Variants in PBX1 observed in about 807,000 individuals in gnomAD.
PBX1 encodes the protein pre-B-cell leukemia transcription factor 1.
In PBX1, 6 loss-of-function variants were observed where a neutral mutation model predicts 53.4. The observed-to-expected ratio is 0.11, with a 90% CI of 0.06 to 0.22. PBX1 has a LOEUF of 0.22. Ranked by LOEUF, PBX1 falls within the 10% of genes least tolerant of loss-of-function variation. The pLI, the probability that PBX1 is intolerant of heterozygous loss-of-function variation, is 1.00. For missense variants in PBX1, 251 were observed against 551.4 expected (o/e 0.46, Z 5.46); for synonymous variants, 204 against 212.3 (o/e 0.96, Z 0.34).
chr1:164,606,607 T>C (rs1656578088), intron 2 of PBX1, among the ~76,000 whole-genome samples: 1 of 152,202 alleles, frequency 6.6e-6, no homozygotes, highest in African/African-American at 2.4e-5. Context: ...ATCTATGATA[T>C]CTGAGAATCC....
Position 164,607,224 on chromosome 1 carries a change from A to G in PBX1, c.265+43913A>G, listed in dbSNP as rs72696404. Among the ~76,000 whole-genome samples, 357 of 152,292 alleles carry G rather than the reference A, an allele frequency of 2.3e-3. 2 individuals are homozygous for G. Among genetic ancestry groups the G allele is most frequent in the Admixed American group, 5.1e-3 (78 of 15,294 alleles). On this transcript the variant is annotated intron_variant, in intron 2 of 8. Transcript: ENST00000420696. ...GTAACAAGATCAGATTTGTACTTTA[A>G]GGTAATTTTGGTGTCTCTGTGGAGG...
chr1:164,860,845 C>T (rs538710127), intron 2 of PBX1, among the ~76,000 whole-genome samples: 21 of 151,996 alleles, frequency 1.4e-4, no homozygotes, highest in Admixed American at 5.2e-4. Flanking sequence ...TTAGTACTTG[C>T]TCAGACAAGA....
At chr1:164,838,433 T>C (rs1671144929) in intron 8 of PBX1, among the ~76,000 whole-genome samples, 1 of 152,150 alleles carries the variant, frequency 6.6e-6, no homozygotes, top group Non-Finnish European at 1.5e-5. Context: ...CCTCGGACTT[T>C]TCTGAGGCCA....
chr1:164,778,487 A>G (rs749524023), intron 2 of PBX1, among the ~76,000 whole-genome samples: 11 of 152,134 alleles, frequency 7.2e-5, no homozygotes, highest in Non-Finnish European at 1.3e-4. Flanking sequence ...CTACAGAAAA[A>G]GTAGCCGGGC....
rs545686992 is a variant in PBX1, at chr1:164,605,772, CT to C, written c.265+42465del. Among the ~76,000 whole-genome samples the C allele has an allele frequency of 8.5e-5, 13 of 152,312 alleles. No individual in the cohort carries two copies. In the East Asian group the frequency reaches 2.5e-3, roughly 29 times the overall value. The stretch of plus-strand genomic sequence containing the variant: ...TATTTAGCTGGTTTAAATAAACAAA[CT>C]TTTAAAAGGCTTTATAAAGTAAACA... On this transcript the variant is annotated intron_variant, in intron 2 of 8. Coordinates refer to ENST00000420696, the MANE Select transcript of PBX1 (RefSeq NM_002585.4).
chr1:164,595,639 T>G (rs1202462489), intron 2 of PBX1, among the ~76,000 whole-genome samples: 1 of 152,180 alleles, frequency 6.6e-6, no homozygotes, highest in East Asian at 1.9e-4. Flanking sequence ...TCGTTGTATA[T>G]TCACTGGCTT....
intron 2 of PBX1, among the ~76,000 whole-genome samples, chr1:164,735,518 A>G (rs570340817): frequency 2.0e-5 from 3 of 152,306 alleles, no homozygotes; most frequent in African/African-American, 7.2e-5. Flanking sequence ...TTAAGCTAGC[A>G]TTGTTCTATA....
intron 2 of PBX1, among the ~76,000 whole-genome samples, chr1:164,705,170 A>G (rs115288883): frequency 2.0e-5 from 3 of 151,852 alleles, no homozygotes; most frequent in Non-Finnish European, 4.4e-5. Context: ...CAGCATCCCC[A>G]CTCCCCCATT....
At chr1:164,784,269 C>G (rs890624598) in intron 2 of PBX1, among the ~76,000 whole-genome samples, 1 of 152,212 alleles carries the variant, frequency 6.6e-6, no homozygotes, top group Admixed American at 6.5e-5. Flanking sequence ...AAGGGGTTTC[C>G]CGAGCAGCAG....
chr1:164,623,776 G>A (rs1339835832), intron 2 of PBX1, among the ~76,000 whole-genome samples: 3 of 152,262 alleles, frequency 2.0e-5, no homozygotes, highest in African/African-American at 7.2e-5. Flanking sequence ...AACTCGAGTC[G>A]TGCCTAACGA....
chr1:164,668,733 G>A (rs7556157), intron 2 of PBX1, among the ~76,000 whole-genome samples: 2,429 of 152,268 alleles, frequency 0.016, 48 homozygotes, highest in South Asian at 0.056. Context: ...CCGGCTCCTC[G>A]CGCCAATGTG....
At chr1:164,747,997 A>G (rs1175716858) in intron 2 of PBX1, among the ~76,000 whole-genome samples, 1 of 152,144 alleles carries the variant, frequency 6.6e-6, no homozygotes, top group Non-Finnish European at 1.5e-5. Context: ...TCATGAAAAG[A>G]GGTGTACCCA....
intron 2 of PBX1, among the ~76,000 whole-genome samples, chr1:164,602,919 C>T (rs1189167166): frequency 6.6e-6 from 1 of 152,172 alleles, no homozygotes; most frequent in Non-Finnish European, 1.5e-5. Context: ...CAGTCCACGT[C>T]CCGTCCCGGC....
At chr1:164,783,809 T>C (rs1339910067) in intron 2 of PBX1, among the ~76,000 whole-genome samples, 1 of 152,086 alleles carries the variant, frequency 6.6e-6, no homozygotes, top group African/African-American at 2.4e-5. Context: ...TAAAATGTGG[T>C]AGGACAAGGA....
chr1:164,881,368 AGAAGGAAGGAAG>A (rs199990223), intron 2 of PBX1, among the ~76,000 whole-genome samples: 1 of 11,820 alleles, frequency 8.5e-5, no homozygotes, highest in Non-Finnish European at 4.9e-4. Flanking sequence ...AAGGAGGAAA[AGAAGGAAGGAAG>A]GAAGGAAGGA....
chr1:164,572,119 C>T (rs550111674), intron 2 of PBX1, among the ~76,000 whole-genome samples: 1 of 151,662 alleles, frequency 6.6e-6, no homozygotes, highest in East Asian at 2.0e-4. Flanking sequence ...GTTGACCAGG[C>T]TGGTCTCGAA....
At chr1:164,753,642 C>G (rs889893059) in intron 2 of PBX1, among the ~76,000 whole-genome samples, 1 of 152,190 alleles carries the variant, frequency 6.6e-6, no homozygotes, top group Non-Finnish European at 1.5e-5. Context: ...ACAGCCCTTG[C>G]GTGGTTTTGA....
At chr1:164,729,912 C>T (rs533619874) in intron 2 of PBX1, among the ~76,000 whole-genome samples, 3 of 152,324 alleles carry the variant, frequency 2.0e-5, no homozygotes, top group East Asian at 1.9e-4. Flanking sequence ...ATTGTACATT[C>T]GTTGTCTCAT....
chr1:164,636,154 C>G (rs537619782), intron 2 of PBX1, among the ~76,000 whole-genome samples: 1 of 135,202 alleles, frequency 7.4e-6, no homozygotes, highest in African/African-American at 2.6e-5. Context: ...TTCTCTCTCT[C>G]TCTTTTTTTT....
Sources: gnomAD v4.1 joint callset for allele counts (sites outside exome capture counted in the v4.1 genomes callset) on GRCh38, gnomAD v4.1.1 for gene constraint, MANE v1.5 for transcripts, NCBI Gene and HGNC (gene_info 2026-07-23, HGNC 2026-07-21) for gene names.